The following CELF4 variants were observed in gnomAD, a reference collection of about 807,000 sequenced individuals.
CELF4 encodes the protein CUGBP Elav-like family member 4.
A neutral mutation model predicts 59.9 loss-of-function variants in CELF4; 18 were observed. That is an observed-to-expected ratio of 0.30 (90% CI 0.21 to 0.45). The LOEUF is 0.45. Ranked by LOEUF, CELF4 falls within the 20% of genes least tolerant of loss-of-function variation. CELF4 has a pLI of 1.00. For synonymous variants in CELF4, 261 were observed against 267.1 expected, an observed-to-expected ratio of 0.98 and a Z score of 0.22; for missense variants, 456 against 689.0, an observed-to-expected ratio of 0.66 and a Z score of 3.79.
chr18:37,359,740 G>T (rs539415), intron 2 of CELF4, among the ~76,000 whole-genome samples: 4,868 of 152,226 alleles, frequency 0.032, 252 homozygotes, highest in African/African-American at 0.11. Flanking sequence ...GTAGAGAAAG[G>T]GTTTCACCCT....
chr18:37,279,343 G>A (rs2093816951), intron 3 of CELF4, among the ~76,000 whole-genome samples: 2 of 149,826 alleles, frequency 1.3e-5, no homozygotes, highest in African/African-American at 4.9e-5. Flanking sequence ...GGGGCCCAGA[G>A]ATGTGGTGAG....
chr18:37,519,483 T>A (rs906234169), intron 1 of CELF4, among the ~76,000 whole-genome samples: 12 of 152,144 alleles, frequency 7.9e-5, no homozygotes, highest in African/African-American at 2.4e-4. Context: ...GAAAAAAAAA[T>A]TCCTCCTATC....
At chr18:37,417,278 A>G (rs1010333642) in intron 2 of CELF4, among the ~76,000 whole-genome samples, 1 of 152,120 alleles carries the variant, frequency 6.6e-6, no homozygotes, top group Admixed American at 6.5e-5. Context: ...TGGTTCAGCA[A>G]TGAGCAGTCA....
At chr18:37,266,668 G>T (rs1170005146) in intron 8 of CELF4, 70 bp from the exon 9 acceptor site, 3 of 1,289,208 alleles carry the variant, frequency 2.3e-6, no homozygotes, top group Admixed American at 4.2e-5. Flanking sequence ...TGCCCATGGG[G>T]ACAATGATGT....
intron 1 of CELF4, among the ~76,000 whole-genome samples, chr18:37,560,835 T>C (rs2099986310): frequency 6.6e-6 from 1 of 152,152 alleles, no homozygotes; most frequent in Non-Finnish European, 1.5e-5. Context: ...ACGAACCATC[T>C]TGGGTAAAGT....
intron 1 of CELF4, among the ~76,000 whole-genome samples, chr18:37,528,623 G>C (rs916543743): frequency 6.6e-6 from 1 of 152,242 alleles, no homozygotes; most frequent in African/African-American, 2.4e-5. Flanking sequence ...GAAAGTGTGT[G>C]TGGGTGTGTT....
intron 2 of CELF4, among the ~76,000 whole-genome samples, chr18:37,420,280 C>T (rs775338247): frequency 5.3e-5 from 8 of 152,224 alleles, no homozygotes; most frequent in Non-Finnish European, 8.8e-5. Context: ...CTGGCTCTAC[C>T]GCTCACTAGC....
chr18:37,385,354 C>CAAAAAA (rs34504926), intron 2 of CELF4, among the ~76,000 whole-genome samples: 17 of 100,134 alleles, frequency 1.7e-4, no homozygotes, highest in East Asian at 2.9e-4. Context: ...GACTCCATCT[C>CAAAAAA]AAAAAAAAAA....
At chr18:37,480,427 A>C (rs2154602972) in intron 2 of CELF4, among the ~76,000 whole-genome samples, 1 of 152,368 alleles carries the variant, frequency 6.6e-6, no homozygotes, top group Admixed American at 6.5e-5. Context: ...CAGCCTCCAT[A>C]CATGCTAACT....
chr18:37,285,799 C>T (rs1421548244), intron 3 of CELF4, among the ~76,000 whole-genome samples: 2 of 152,108 alleles, frequency 1.3e-5, no homozygotes, highest in Non-Finnish European at 2.9e-5. Flanking sequence ...GGTGGTGGCG[C>T]GCAGCCATCT....
chr18:37,394,350 C>T (rs994833312), intron 2 of CELF4, among the ~76,000 whole-genome samples: 1 of 152,202 alleles, frequency 6.6e-6, no homozygotes, highest in Non-Finnish European at 1.5e-5. Context: ...GTGCAGCCGC[C>T]GTGACCTTAG....
rs2099974930 is a variant in CELF4 at position 37,537,995 on chromosome 18, G to T, written c.286+27361C>A. 2.6e-5 allele frequency among the ~76,000 whole-genome samples: 4 copies of T among 152,358 alleles called. No individual in the cohort carries two copies. The South Asian group carries it at 8.3e-4, about 32-fold the overall frequency. On this transcript the variant is annotated intron_variant, in intron 1 of 12. Coordinates refer to ENST00000420428, the MANE Select transcript of CELF4 (RefSeq NM_020180.4). ...CCCTGTGCCCCGGAGAGTCCCAGGCGCTGAATCCAGCTCTGGAGGCGGCCG... is the reference window on the plus strand; with the variant it reads ...CCCTGTGCCCCGGAGAGTCCCAGGCTCTGAATCCAGCTCTGGAGGCGGCCG...
intron 1 of CELF4, among the ~76,000 whole-genome samples, chr18:37,525,961 G>A (rs1209987540): frequency 6.6e-6 from 1 of 152,090 alleles, no homozygotes; most frequent in Non-Finnish European, 1.5e-5. Flanking sequence ...ACCTCCCTTC[G>A]GAATCAGAAA....
chr18:37,497,049 G>C (rs779558857), intron 1 of CELF4, among the ~76,000 whole-genome samples: 1 of 152,180 alleles, frequency 6.6e-6, no homozygotes, highest in Non-Finnish European at 1.5e-5. Flanking sequence ...TGACTCTCAA[G>C]GAGTGCCCAA....
At chr18:37,465,169 A>T (rs2099804579) in intron 2 of CELF4, among the ~76,000 whole-genome samples, 1 of 152,066 alleles carries the variant, frequency 6.6e-6, no homozygotes, top group South Asian at 2.1e-4. Flanking sequence ...TGCAATCTTT[A>T]TTGCTTATTA....
chr18:37,373,420 C>T (rs1603630425), intron 2 of CELF4, among the ~76,000 whole-genome samples: 1 of 152,220 alleles, frequency 6.6e-6, no homozygotes, highest in Non-Finnish European at 1.5e-5. Context: ...TACCTGAGAC[C>T]CTGGACGGTG....
At chr18:37,422,673 C>A (rs1446307334) in intron 2 of CELF4, among the ~76,000 whole-genome samples, 1 of 152,164 alleles carries the variant, frequency 6.6e-6, no homozygotes, top group East Asian at 1.9e-4. Flanking sequence ...TGTGCCAGCA[C>A]ATGCATGAAA....
chr18:37,262,619 C>A (rs2075419434), intron 10 of CELF4, among the ~76,000 whole-genome samples: 1 of 152,128 alleles, frequency 6.6e-6, no homozygotes, highest in African/African-American at 2.4e-5. Flanking sequence ...GATTTAGAGA[C>A]CCCTGAGCCA....
chr18:37,401,269 C>T (rs1398773865), intron 2 of CELF4, among the ~76,000 whole-genome samples: 1 of 152,232 alleles, frequency 6.6e-6, no homozygotes, highest in Non-Finnish European at 1.5e-5. Context: ...TCATCCTCTC[C>T]TTTAAAATTG....
Sources: gnomAD v4.1 joint callset for allele counts (sites outside exome capture counted in the v4.1 genomes callset) on GRCh38, gnomAD v4.1.1 for gene constraint, MANE v1.5 for transcripts, NCBI Gene and HGNC (gene_info 2026-07-23, HGNC 2026-07-21) for gene names.